The following RILPL2 variants were observed in gnomAD, a reference collection of about 807,000 sequenced individuals.
RILPL2 encodes RILP-like protein 2.
In RILPL2, 19 loss-of-function variants were observed where a neutral mutation model predicts 22.2. The ratio of observed to expected loss-of-function variants is 0.86; its 90% CI spans 0.60 to 1.25. The LOEUF is 1.25. Ranked by LOEUF, RILPL2 falls within the 50% of genes most tolerant of loss-of-function variation. The pLI, the probability that RILPL2 is intolerant of heterozygous loss-of-function variation, is 0.00. For synonymous variants in RILPL2, 123 were observed against 111.6 expected (o/e 1.10, Z -0.64); for missense variants, 243 against 263.6 (o/e 0.92, Z 0.54).
chr12:123,413,000 C>G (rs1486152898), downstream of RILPL2: 1 of 152,220 alleles, frequency 6.6e-6, no homozygotes, highest in African/African-American at 2.4e-5. Context: ...AGTTCGAGAC[C>G]AGCCTGGCCA....
At chr12:123,434,219 G>A (rs768321671) in intron 1 of RILPL2, among the ~76,000 whole-genome samples, 10 of 151,968 alleles carry the variant, frequency 6.6e-5, no homozygotes, top group Non-Finnish European at 1.5e-4. Context: ...AGGAGTTCGA[G>A]ACCAGCCTGG....
At chr12:123,431,883 T>TTATTA (rs1247543507) in intron 1 of RILPL2, among the ~76,000 whole-genome samples, 1 of 151,832 alleles carries the variant, frequency 6.6e-6, no homozygotes, top group Non-Finnish European at 1.5e-5. Flanking sequence ...TTACTACAAT[T>TTATTA]TATTTTATTT....
At chr12:123,429,419 CCA>C (rs1054773955) in intron 2 of RILPL2, among the ~76,000 whole-genome samples, 1 of 152,084 alleles carries the variant, frequency 6.6e-6, no homozygotes, top group Non-Finnish European at 1.5e-5. Flanking sequence ...CCTCAGCCTC[CCA>C]GGTAGCTGGG....
At chr12:123,414,909 C>T (rs1300191985), downstream of RILPL2, 2 of 127,308 alleles carry the variant, frequency 1.6e-5, no homozygotes, top group Admixed American at 1.1e-4. Flanking sequence ...CCAGACTGTG[C>T]GACAGAGCGA....
At chr12:123,417,786 T>A (rs761512975) in intron 3 of RILPL2, among the ~76,000 whole-genome samples, 1 of 152,186 alleles carries the variant, frequency 6.6e-6, no homozygotes, top group Non-Finnish European at 1.5e-5. Context: ...GGTTTCTCCA[T>A]GTTGGCCAGG....
chr12:123,417,295 T>A (rs576597783), intron 3 of RILPL2, among the ~76,000 whole-genome samples: 126 of 143,814 alleles, frequency 8.8e-4, no homozygotes, highest in Middle Eastern at 3.4e-3. Context: ...TGAGACCCCA[T>A]CTCAAAAAAA....
chr12:123,419,925 A>G (rs1173653324), intron 3 of RILPL2, among the ~76,000 whole-genome samples: 1 of 142,396 alleles, frequency 7.0e-6, no homozygotes, highest in African/African-American at 2.5e-5. Flanking sequence ...TCCCAGGTTA[A>G]AGCGATTCTC....
downstream of RILPL2, chr12:123,411,804 A>G (rs1878984009): frequency 6.6e-6 from 1 of 151,756 alleles, no homozygotes; most frequent in Non-Finnish European, 1.5e-5. Context: ...GATTACAAGC[A>G]TGAGCCACTG....
rs79537825 is a variant in RILPL2, at chr12:123,416,758, A to T, written c.606-837T>A. Among the ~76,000 whole-genome samples, 540 of 152,352 alleles carry T rather than the reference A, an allele frequency of 3.5e-3. 4 individuals carry two copies. Among genetic ancestry groups the T allele is most frequent in the African/African-American group, 0.012 (519 of 41,592 alleles). On this transcript the variant is annotated intron_variant, in intron 3 of 3. Transcript: ENST00000280571. ...CTCACGCTCATTAGCCACTAGCCAC[A>T]TGTCCTCAGGCTAGCTCATGCACAG...
intron 3 of RILPL2, among the ~76,000 whole-genome samples, chr12:123,417,956 T>C (rs1442387652): frequency 6.6e-6 from 1 of 152,130 alleles, no homozygotes; most frequent in Non-Finnish European, 1.5e-5. Context: ...TCTTTTGTTT[T>C]GGTGGGAGAC....
chr12:123,425,517 A>C lies in RILPL2; in HGVS notation c.492-2360T>G, dbSNP rs377353529. On this transcript the variant is annotated intron_variant, in intron 2 of 3. Transcript: ENST00000280571. ...TTAATAAAAATTCCTGGCCAGGCTCAGTGGCTCACCATGTATTTCACAGCA... is the reference window on the plus strand; with the variant it reads ...TTAATAAAAATTCCTGGCCAGGCTCCGTGGCTCACCATGTATTTCACAGCA... 1.3e-3 allele frequency among the ~76,000 whole-genome samples: 193 copies of C among 151,956 alleles called. 1 individual carries two copies. The highest frequency in any genetic ancestry group is 4.5e-3 in the African/African-American group (187 of 41,456).
At chr12:123,424,546 G>T (rs1879379626) in intron 2 of RILPL2, among the ~76,000 whole-genome samples, 1 of 152,074 alleles carries the variant, frequency 6.6e-6, no homozygotes, top group South Asian at 2.1e-4. Context: ...GGTCAGGCTG[G>T]TCTCAAACTC....
chr12:123,423,685 G>A (rs930608883), intron 2 of RILPL2, among the ~76,000 whole-genome samples: 31 of 138,946 alleles, frequency 2.2e-4, no homozygotes, highest in African/African-American at 8.0e-4. Context: ...ACGGATTCTC[G>A]CTCTGTTGCC....
chr12:123,432,800 C>T (rs1247785640), intron 1 of RILPL2, among the ~76,000 whole-genome samples: 1 of 152,178 alleles, frequency 6.6e-6, no homozygotes, highest in African/African-American at 2.4e-5. Context: ...GAGCAATCCC[C>T]CGCAAGTCAG....
chr12:123,410,075 T>C (rs936870824), downstream of RILPL2, among the ~76,000 whole-genome samples: 1 of 151,986 alleles, frequency 6.6e-6, no homozygotes, highest in Non-Finnish European at 1.5e-5. Flanking sequence ...CTCAAACTCC[T>C]GACCTTAATG....
chr12:123,412,020 A>T (rs989369378), downstream of RILPL2: 2 of 152,218 alleles, frequency 1.3e-5, no homozygotes, highest in African/African-American at 4.8e-5. Flanking sequence ...CAAGAGTTGC[A>T]GTCCAAGCAT....
chr12:123,414,332 A>G (rs542539792), downstream of RILPL2: 1 of 153,982 alleles, frequency 6.5e-6, no homozygotes, highest in Non-Finnish European at 1.4e-5. Context: ...GGGACCCAGC[A>G]CACCCTCAGC....
chr12:123,423,243 C>T (rs1879340316), intron 2 of RILPL2, 86 bp from the exon 3 acceptor site: 8 of 925,828 alleles, frequency 8.6e-6, no homozygotes, highest in Middle Eastern at 5.6e-4. Flanking sequence ...TCTCTGTTGC[C>T]CAGGCTAGAG....
chr12:123,422,714 T>C (rs1417506957), intron 3 of RILPL2, among the ~76,000 whole-genome samples: 2 of 152,090 alleles, frequency 1.3e-5, no homozygotes, highest in Admixed American at 1.3e-4. Context: ...CCAGACTTCC[T>C]TGGGTTCCTG....
Sources: gnomAD v4.1 joint callset for allele counts (sites outside exome capture counted in the v4.1 genomes callset) on GRCh38, gnomAD v4.1.1 for gene constraint, MANE v1.5 for transcripts, NCBI Gene and HGNC (gene_info 2026-07-23, HGNC 2026-07-21) for gene names.